LRP1B: variants seen among roughly 807,000 people sequenced by gnomAD.
LRP1B encodes LDL receptor related protein 1B, also known as low-density lipoprotein receptor-related protein 1B.
A neutral mutation model predicts 556.6 loss-of-function variants in LRP1B; 217 were observed. The observed-to-expected ratio is 0.39, with a 90% CI of 0.35 to 0.44. LRP1B has a LOEUF of 0.44. LRP1B is among the 20% of genes least tolerant of loss of function. The pLI, the probability that LRP1B is intolerant of heterozygous loss-of-function variation, is 1.00. For missense variants in LRP1B, 5,053 were observed against 5,620.8 expected (o/e 0.90, Z 3.23); for synonymous variants, 2,047 against 1,865.8 (o/e 1.10, Z -2.50).
chr2:142,129,055 G>A (rs1404089602), intron 1 of LRP1B, among the ~76,000 whole-genome samples: 1 of 152,158 alleles, frequency 6.6e-6, no homozygotes. Flanking sequence ...GCAGTAGTCT[G>A]CCAGTACCAT....
At chr2:141,598,394 T>C (rs1687598858) in intron 2 of LRP1B, among the ~76,000 whole-genome samples, 1 of 152,102 alleles carries the variant, frequency 6.6e-6, no homozygotes, top group South Asian at 2.1e-4. Flanking sequence ...AAAAATAGGT[T>C]GATTATTTTA....
intron 2 of LRP1B, among the ~76,000 whole-genome samples, chr2:141,793,528 ATCAC>A (rs1042110293): frequency 1.3e-5 from 2 of 151,974 alleles, no homozygotes; most frequent in African/African-American, 4.8e-5. Context: ...TAATTTAAAA[ATCAC>A]TCAAAGTTAT....
chr2:141,446,788 G>A (rs769552833), intron 3 of LRP1B, among the ~76,000 whole-genome samples: 1 of 152,196 alleles, frequency 6.6e-6, no homozygotes, highest in African/African-American at 2.4e-5. Context: ...CCCACTCTTA[G>A]TCTGATGGGA....
At chr2:141,495,735 ATACACG>A (rs1177646739) in intron 2 of LRP1B, among the ~76,000 whole-genome samples, 1 of 152,116 alleles carries the variant, frequency 6.6e-6, no homozygotes. Context: ...ACACACACAC[ATACACG>A]AACAATAATT....
chr2:141,083,711 G>T (rs1346436544), intron 7 of LRP1B, among the ~76,000 whole-genome samples: 1 of 152,144 alleles, frequency 6.6e-6, no homozygotes, highest in African/African-American at 2.4e-5. Context: ...TGGGACTGGT[G>T]ACTTTATTAG....
At chr2:141,022,009 G>T (rs1558805917) in intron 11 of LRP1B, among the ~76,000 whole-genome samples, 1 of 151,584 alleles carries the variant, frequency 6.6e-6, no homozygotes, top group East Asian at 1.9e-4. Flanking sequence ...TGATAGGATT[G>T]TATCTTTTGT....
chr2:140,538,765 T>C, intron 45 of LRP1B, among the ~76,000 whole-genome samples: 1 of 152,166 alleles, frequency 6.6e-6, no homozygotes, highest in Non-Finnish European at 1.5e-5. Flanking sequence ...TTGAGATTCC[T>C]GACTTATTTT....
chr2:141,306,079 T>C (rs545827593), intron 3 of LRP1B, among the ~76,000 whole-genome samples: 1 of 152,308 alleles, frequency 6.6e-6, no homozygotes, highest in Non-Finnish European at 1.5e-5. Flanking sequence ...CTGGTTTTGG[T>C]ATCAGGGTAG....
chr2:140,364,940 T>C (rs1042608303), intron 71 of LRP1B, among the ~76,000 whole-genome samples, 157 bp from the exon 72 acceptor site: 1 of 151,406 alleles, frequency 6.6e-6, no homozygotes, highest in Non-Finnish European at 1.5e-5. Context: ...ACAAGTAATA[T>C]TCAATTTTTT....
At chr2:141,063,613 C>A (rs181741696) in intron 7 of LRP1B, among the ~76,000 whole-genome samples, 2 of 151,748 alleles carry the variant, frequency 1.3e-5, no homozygotes, top group African/African-American at 2.4e-5. Flanking sequence ...TTGGTATGCA[C>A]GCGTTCCCTC....
rs530579342 is a variant in LRP1B at position 140,251,207 on chromosome 2, G to A, written c.13248-4045C>T. ...AAGCGCTTTTAGAATATCAAAATAAGTTTGGCTTTTATAAGGGGACAAACT... is the reference window on the plus strand; with the variant it reads ...AAGCGCTTTTAGAATATCAAAATAAATTTGGCTTTTATAAGGGGACAAACT... On this transcript the variant is annotated intron_variant, in intron 86 of 90. Coordinates refer to ENST00000389484, the MANE Select transcript of LRP1B (RefSeq NM_018557.3). 2.1e-3 allele frequency among the ~76,000 whole-genome samples: 317 copies of A among 151,868 alleles called. 1 individual carries two copies. The highest frequency in any genetic ancestry group is 5.9e-3 in the African/African-American group (247 of 41,518).
chr2:141,380,260 T>C (rs1266350457), intron 3 of LRP1B, among the ~76,000 whole-genome samples: 1 of 151,220 alleles, frequency 6.6e-6, no homozygotes, highest in African/African-American at 2.4e-5. Context: ...AGCTTTTCCC[T>C]GGAAGGGGTT....
chr2:141,204,030 C>T (rs1217241267), intron 6 of LRP1B, among the ~76,000 whole-genome samples: 2 of 152,150 alleles, frequency 1.3e-5, no homozygotes, highest in East Asian at 3.9e-4. Context: ...ACATTTAAAG[C>T]AGAGTGTAGA....
At chr2:141,171,062 G>A (rs1680479768) in intron 7 of LRP1B, among the ~76,000 whole-genome samples, 1 of 152,004 alleles carries the variant, frequency 6.6e-6, no homozygotes, top group Non-Finnish European at 1.5e-5. Context: ...GGGAAATTGA[G>A]TAGATGATAT....
At chr2:141,101,783 C>T (rs560180209) in intron 7 of LRP1B, among the ~76,000 whole-genome samples, 1 of 152,266 alleles carries the variant, frequency 6.6e-6, no homozygotes, top group South Asian at 2.1e-4. Flanking sequence ...TTAATAAATG[C>T]TGTTCTGTTA....
At chr2:140,310,159 ACTTAT>A (rs1450667387) in intron 83 of LRP1B, among the ~76,000 whole-genome samples, 1 of 151,740 alleles carries the variant, frequency 6.6e-6, no homozygotes, top group Non-Finnish European at 1.5e-5. Context: ...TATGTATGAG[ACTTAT>A]CTTTTGCCAC....
chr2:140,951,798 G>T (rs2105302490), intron 19 of LRP1B, 62 bp downstream of exon 19: 1 of 1,307,850 alleles, frequency 7.6e-7, no homozygotes, highest in Non-Finnish European at 1.1e-6. Flanking sequence ...AGAAAGCCAG[G>T]CAGTCCAGAC....
At chr2:141,776,823 T>A (rs1695094257) in intron 2 of LRP1B, among the ~76,000 whole-genome samples, 5 of 152,194 alleles carry the variant, frequency 3.3e-5, no homozygotes, top group African/African-American at 1.2e-4. Flanking sequence ...TAAGACCTAA[T>A]CAATGATAAC....
chr2:140,742,670 T>C (rs573498909), intron 35 of LRP1B, among the ~76,000 whole-genome samples: 15 of 152,062 alleles, frequency 9.9e-5, no homozygotes, highest in Non-Finnish European at 1.6e-4. Flanking sequence ...ACTCCTAGGC[T>C]CAAGTGATCC....
Sources: gnomAD v4.1 joint callset for allele counts (sites outside exome capture counted in the v4.1 genomes callset) on GRCh38, gnomAD v4.1.1 for gene constraint, MANE v1.5 for transcripts, NCBI Gene and HGNC (gene_info 2026-07-23, HGNC 2026-07-21) for gene names.